The following MFHAS1 variants were observed in gnomAD, a reference collection of about 807,000 sequenced individuals.
MFHAS1 encodes the protein malignant fibrous histiocytoma-amplified sequence 1.
Under a neutral mutation model 70.4 loss-of-function variants are expected in MFHAS1, and 50 were observed. That is an observed-to-expected ratio of 0.71 (90% CI 0.57 to 0.90). MFHAS1 has a LOEUF of 0.90. Ranked by LOEUF, MFHAS1 falls within the 40% of genes least tolerant of loss-of-function variation. The pLI is 0.00. For synonymous variants in MFHAS1, 952 were observed against 620.0 expected (o/e 1.54, Z -7.96); for missense variants, 1,795 against 1,347.6 (o/e 1.33, Z -5.20).
At position 8,824,718 on chromosome 8, in the gene MFHAS1, T is replaced by C. The variant is rs1299800824; in HGVS notation, c.2999-27227A>G. On this transcript the variant is annotated intron_variant, in intron 1 of 2. Transcript: ENST00000276282. ...ATAAACCATTTGTAGTCCAGATGGG[T>C]TTAGCGGTCAGAAGCCAGGCAAGGA... is the stretch of plus-strand genomic sequence containing the variant. Among the ~76,000 whole-genome samples, 4 of 152,294 alleles carry C rather than the reference T, an allele frequency of 2.6e-5. No individual in the cohort carries two copies. The East Asian group carries it at 7.7e-4, about 29-fold the overall frequency.
rs562419563 is a variant in MFHAS1 at position 8,785,855 on chromosome 8, C to T, written c.*167G>A. The T allele has an allele frequency of 1.4e-3, 611 of 443,564 alleles. 36 individuals are homozygous for T. In the South Asian group the frequency reaches 0.014, roughly 10 times the overall value. 27.5% of individuals were successfully genotyped at this position (443,564 alleles called of 1,614,324 possible). ...TCGTCCATGCTTCCCCCCACCACCC[C>T]CTCCCCACCTCTTCCCCAGTCGTCC... On this transcript the variant is annotated 3_prime_UTR_variant, in exon 3 of 3. Transcript: ENST00000276282.
intron 1 of MFHAS1, among the ~76,000 whole-genome samples, chr8:8,844,352 T>A (rs190842859): frequency 6.6e-6 from 1 of 152,380 alleles, no homozygotes; most frequent in South Asian, 2.1e-4. Context: ...AGGCTTCAAA[T>A]GTGTCATTTG....
intron 1 of MFHAS1, among the ~76,000 whole-genome samples, chr8:8,822,410 G>C (rs896560439): frequency 6.6e-6 from 1 of 151,224 alleles, no homozygotes; most frequent in East Asian, 1.9e-4. Context: ...GGGATGGAGC[G>C]GGAGACAGGG....
At chr8:8,883,497 C>G (rs1020976664) in intron 1 of MFHAS1, among the ~76,000 whole-genome samples, 1 of 151,770 alleles carries the variant, frequency 6.6e-6, no homozygotes, top group African/African-American at 2.4e-5. Flanking sequence ...CACGTGAGGT[C>G]AGGAGTTCAA....
chr8:8,860,651 G>T (rs1808626935), intron 1 of MFHAS1, among the ~76,000 whole-genome samples: 1 of 152,288 alleles, frequency 6.6e-6, no homozygotes, highest in South Asian at 2.1e-4. Flanking sequence ...CAAATGAAAT[G>T]CCATAACATC....
At chr8:8,852,042 G>A (rs1228795822) in intron 1 of MFHAS1, among the ~76,000 whole-genome samples, 1 of 152,192 alleles carries the variant, frequency 6.6e-6, no homozygotes, top group African/African-American at 2.4e-5. Context: ...GGAGTGGGTG[G>A]TGGAATGCCG....
chr8:8,839,004 A>G (rs1315327551), intron 1 of MFHAS1, among the ~76,000 whole-genome samples: 1 of 152,158 alleles, frequency 6.6e-6, no homozygotes, highest in Non-Finnish European at 1.5e-5. Flanking sequence ...TTTTAATTCA[A>G]GTACAAGTTA....
At chr8:8,814,261 A>G (rs1467192051) in intron 1 of MFHAS1, among the ~76,000 whole-genome samples, 1 of 152,084 alleles carries the variant, frequency 6.6e-6, no homozygotes, top group East Asian at 1.9e-4. Context: ...TTTATACTGT[A>G]TTTTGATTGT....
chr8:8,819,529 G>A (rs1351717686), intron 1 of MFHAS1, among the ~76,000 whole-genome samples: 4 of 150,900 alleles, frequency 2.7e-5, no homozygotes, highest in Admixed American at 6.6e-5. Flanking sequence ...GGCGTGAATC[G>A]GGAGGCGGAG....
intron 1 of MFHAS1, among the ~76,000 whole-genome samples, chr8:8,859,321 G>C (rs1489334070): frequency 6.6e-6 from 1 of 152,290 alleles, no homozygotes; most frequent in East Asian, 1.9e-4. Flanking sequence ...TCTAGCCTGG[G>C]TGACAGAGCA....
chr8:8,800,597 C>G (rs1224290998), intron 1 of MFHAS1, among the ~76,000 whole-genome samples: 1 of 152,134 alleles, frequency 6.6e-6, no homozygotes, highest in Non-Finnish European at 1.5e-5. Flanking sequence ...GCTGTGGGCA[C>G]CCCAGTCTCT....
chr8:8,890,815 C>G lies in MFHAS1; in HGVS notation c.2244G>C (p.Leu748=), dbSNP rs756101224. 2.5e-6 allele frequency: 4 copies of G among 1,614,104 alleles called. No homozygotes were observed. The African/African-American group carries it at 5.3e-5, about 22-fold the overall frequency. Residue 748 remains leucine, a synonymous_variant, in exon 1 of 3, where the codon CTG becomes CTC. Transcript: ENST00000276282. ...NVFFQRDPSL[L]LHKLLLGTSG... ...TGGTCCCTAGGAGCAGCTTATGCAG[C>G]AGCAAAGAGGGATCCCTCTGGAAGA...
At chr8:8,788,699 T>C (rs1385412958) in intron 2 of MFHAS1, among the ~76,000 whole-genome samples, 3 of 152,126 alleles carry the variant, frequency 2.0e-5, no homozygotes, top group Admixed American at 6.5e-5. Context: ...ACAAAAAGTA[T>C]TGAGGAGACA....
In MFHAS1 at chr8:8,784,776, CAT is replaced by C. The variant is rs1048121010; in HGVS notation, c.*1244_*1245del. 1 of 152,188 alleles carries C rather than the reference CAT, an allele frequency of 6.6e-6. No individual in the cohort carries two copies. Among genetic ancestry groups the C allele is most frequent in the Non-Finnish European group, 1.5e-5 (1 of 68,034 alleles). The allele number at this position is 152,188 out of a possible 1,614,324, so 9.4% of individuals were successfully genotyped here. The stretch of plus-strand genomic sequence containing the variant: ...AGAGTTTTTTACACTCTCCGAAAAA[CAT>C]GTTACTACTGTAGCATATGCTGTTT... On this transcript the variant is annotated 3_prime_UTR_variant, in exon 3 of 3. Coordinates refer to ENST00000276282, the MANE Select transcript of MFHAS1 (RefSeq NM_004225.3).
At chr8:8,862,634 A>G (rs896459417) in intron 1 of MFHAS1, among the ~76,000 whole-genome samples, 2 of 152,186 alleles carry the variant, frequency 1.3e-5, no homozygotes, top group Non-Finnish European at 2.9e-5. Context: ...CTTCCGTATG[A>G]TACTATAACG....
In MFHAS1 at chr8:8,784,709, T is replaced by G. The variant is rs1342716478; in HGVS notation, c.*1313A>C. ...TGAGGCTGGCGAGAAGCAGTCAGTT[T>G]TATACATTTTCGATCAACCCACGGA... On this transcript the variant is annotated 3_prime_UTR_variant, in exon 3 of 3. Transcript: ENST00000276282. 2 of 152,182 alleles carry G rather than the reference T, an allele frequency of 1.3e-5. No individual in the cohort carries two copies. The highest frequency in any genetic ancestry group is 1.3e-4 in the Admixed American group (2 of 15,286). The allele number at this position is 152,182 out of a possible 1,614,324, so 9.4% of individuals were successfully genotyped here. A position where few individuals can be genotyped will look rare whatever the true frequency, so the allele number is the denominator to read the frequency against.
chr8:8,870,852 A>G (rs1047394554), intron 1 of MFHAS1, among the ~76,000 whole-genome samples: 1 of 152,162 alleles, frequency 6.6e-6, no homozygotes, highest in African/African-American at 2.4e-5. Flanking sequence ...GCCAATCCCC[A>G]GCAAATGTTT....
intron 1 of MFHAS1, among the ~76,000 whole-genome samples, chr8:8,804,904 G>A (rs76468182): frequency 0.031 from 4,746 of 152,270 alleles, 143 homozygotes; most frequent in South Asian, 0.12. Flanking sequence ...GGCAGAAGAC[G>A]ATCGTCCTGA....
At chr8:8,815,033 C>A (rs985552056) in intron 1 of MFHAS1, among the ~76,000 whole-genome samples, 3 of 152,050 alleles carry the variant, frequency 2.0e-5, no homozygotes, top group Non-Finnish European at 2.9e-5. Context: ...GCCCCCCACA[C>A]AGGCCCCAGT....
Sources: allele counts gnomAD v4.1 joint callset (sites outside exome capture counted in the v4.1 genomes callset), GRCh38; gene constraint gnomAD v4.1.1; transcripts MANE v1.5; gene names NCBI Gene and HGNC (gene_info 2026-07-23, HGNC 2026-07-21).